Variants in ROBO1 observed in about 807,000 individuals in gnomAD.
ROBO1 encodes the protein roundabout guidance receptor 1, also known as roundabout homolog 1.
Under a neutral mutation model 195.9 loss-of-function variants are expected in ROBO1, and 149 were observed. That is an observed-to-expected ratio of 0.76 (90% CI 0.67 to 0.87). The LOEUF (loss-of-function observed/expected upper bound fraction) is 0.87. Among genes scored for constraint, ROBO1 ranks in the 40% least tolerant of loss-of-function variants. ROBO1 has a pLI of 0.00. For missense variants in ROBO1, 1,933 were observed against 2,068.3 expected, an observed-to-expected ratio of 0.93 and a Z score of 1.27; for synonymous variants, 816 against 733.2, an observed-to-expected ratio of 1.11 and a Z score of -1.82.
intron 2 of ROBO1, among the ~76,000 whole-genome samples, chr3:79,239,437 G>A (rs1559757091): frequency 6.6e-6 from 1 of 152,184 alleles, no homozygotes; most frequent in Non-Finnish European, 1.5e-5. Flanking sequence ...ATGACATGTT[G>A]AAGACTTAAT....
chr3:78,868,872 T>C (rs1158633290), intron 4 of ROBO1, among the ~76,000 whole-genome samples: 1 of 152,162 alleles, frequency 6.6e-6, no homozygotes, highest in Admixed American at 6.5e-5. Context: ...CCTTTAAATA[T>C]GTAACCTGTT....
chr3:79,636,515 C>T (rs752441002), intron 1 of ROBO1, among the ~76,000 whole-genome samples: 5 of 152,100 alleles, frequency 3.3e-5, no homozygotes, highest in Admixed American at 1.3e-4. Flanking sequence ...CAATGGCCAT[C>T]GTAACAGCCT....
intron 2 of ROBO1, among the ~76,000 whole-genome samples, chr3:79,444,317 A>G (rs900239647): frequency 6.6e-6 from 1 of 152,110 alleles, no homozygotes; most frequent in Non-Finnish European, 1.5e-5. Context: ...AATGGGCAAA[A>G]GTCATAAACA....
chr3:79,643,364 A>G (rs13100323), intron 1 of ROBO1, among the ~76,000 whole-genome samples: 1 of 152,036 alleles, frequency 6.6e-6, no homozygotes, highest in Non-Finnish European at 1.5e-5. Flanking sequence ...GTGAGACTTC[A>G]CCTTGTGATT....
rs80173151 is a variant in ROBO1, at chr3:79,533,788, T to C, written c.88+56036A>G. On this transcript the variant is annotated intron_variant, in intron 2 of 30. Coordinates refer to ENST00000464233, the MANE Select transcript of ROBO1 (RefSeq NM_002941.4). The stretch of plus-strand genomic sequence containing the variant: ...GGACTGTACTGTGTTTACTATCTTC[T>C]ATCCAAGCTTCAAATCAATGTGTAA... Among the ~76,000 whole-genome samples, 145 of 152,300 alleles carry C rather than the reference T, an allele frequency of 9.5e-4. 3 individuals carry two copies. In the East Asian group the frequency reaches 0.026, roughly 28 times the overall value.
chr3:79,035,679 C>T (rs1023117474), intron 3 of ROBO1, among the ~76,000 whole-genome samples: 4 of 150,996 alleles, frequency 2.6e-5, no homozygotes, highest in African/African-American at 9.7e-5. Flanking sequence ...TGCAGTGAGC[C>T]AAGACTGTGC....
In ROBO1 at chr3:78,661,014, G is replaced by A. The variant is rs762579181; in HGVS notation, c.2320+16C>T. 8.4e-6 allele frequency: 13 copies of A among 1,552,874 alleles called. No individual in the cohort carries two copies. Among genetic ancestry groups the A allele is most frequent in the Middle Eastern group, 3.4e-4 (2 of 5,928 alleles). On this transcript the variant is annotated intron_variant, in intron 16 of 30. Transcript: ENST00000464233. ...ATACTGCAATGCATGGAAATCAAAC[G>A]CTTCATCATACTTGCCTTCTTCCAG...
chr3:79,325,567 G>A (rs1469033164), intron 2 of ROBO1, among the ~76,000 whole-genome samples: 2 of 152,210 alleles, frequency 1.3e-5, no homozygotes, highest in Non-Finnish European at 2.9e-5. Flanking sequence ...CTGAAGCCAT[G>A]GCAGAAGAAC....
chr3:79,345,879 T>C (rs1453295835), intron 2 of ROBO1, among the ~76,000 whole-genome samples: 1 of 152,180 alleles, frequency 6.6e-6, no homozygotes, highest in African/African-American at 2.4e-5. Context: ...TATTTAAAAA[T>C]ATCTTTTCAG....
chr3:79,491,983 T>C (rs773403819), intron 2 of ROBO1, among the ~76,000 whole-genome samples: 11 of 152,032 alleles, frequency 7.2e-5, no homozygotes, highest in Non-Finnish European at 1.2e-4. Flanking sequence ...AATTCTAGCA[T>C]AAACATTCCG....
intron 1 of ROBO1, among the ~76,000 whole-genome samples, chr3:79,760,193 C>G (rs11714508): frequency 1.5e-5 from 2 of 133,892 alleles, no homozygotes; most frequent in Non-Finnish European, 3.1e-5. Context: ...GCCGAGATCG[C>G]GCCACTGCAC....
chr3:78,647,477 C>T (rs748678076), intron 20 of ROBO1, among the ~76,000 whole-genome samples, 152 bp downstream of exon 20: 2 of 151,994 alleles, frequency 1.3e-5, no homozygotes, highest in Non-Finnish European at 2.9e-5. Context: ...CTACCTTAAA[C>T]ACATGCCTGG....
intron 3 of ROBO1, among the ~76,000 whole-genome samples, chr3:79,062,744 AC>A (rs1015536582): frequency 1.3e-5 from 2 of 152,116 alleles, no homozygotes; most frequent in Admixed American, 1.3e-4. Context: ...AGAAAACAAA[AC>A]ACCACATGTT....
intron 2 of ROBO1, among the ~76,000 whole-genome samples, chr3:79,565,471 A>T (rs1006835278): frequency 1.3e-5 from 2 of 152,080 alleles, no homozygotes; most frequent in Non-Finnish European, 2.9e-5. Flanking sequence ...TGGTGATCCT[A>T]AAAAATGAAA....
At chr3:79,500,254 G>A (rs957858853) in intron 2 of ROBO1, among the ~76,000 whole-genome samples, 2 of 148,048 alleles carry the variant, frequency 1.4e-5, no homozygotes, top group African/African-American at 5.0e-5. Context: ...CTCAGTCTCC[G>A]GAATAGCTGG....
At chr3:79,440,370 A>G (rs537373161) in intron 2 of ROBO1, among the ~76,000 whole-genome samples, 1 of 152,226 alleles carries the variant, frequency 6.6e-6, no homozygotes, top group South Asian at 2.1e-4. Context: ...ACTTTCCTAA[A>G]TACATCATGA....
At chr3:78,616,654 T>C (rs1381074444) in intron 27 of ROBO1, among the ~76,000 whole-genome samples, 1 of 152,150 alleles carries the variant, frequency 6.6e-6, no homozygotes, top group Non-Finnish European at 1.5e-5. Context: ...TACCAGTAAC[T>C]GACTTGTTGT....
intron 4 of ROBO1, among the ~76,000 whole-genome samples, chr3:78,877,998 C>G (rs2035952972): frequency 6.6e-6 from 1 of 152,154 alleles, no homozygotes; most frequent in Non-Finnish European, 1.5e-5. Context: ...CCTCTTGAAC[C>G]TGCTGGATGA....
At chr3:79,610,705 A>G (rs1944631090) in intron 1 of ROBO1, among the ~76,000 whole-genome samples, 2 of 152,030 alleles carry the variant, frequency 1.3e-5, no homozygotes, top group African/African-American at 2.4e-5. Context: ...TTGCTAGTTA[A>G]TACACTTTTG....
Sources: allele counts gnomAD v4.1 joint callset (sites outside exome capture counted in the v4.1 genomes callset), GRCh38; gene constraint gnomAD v4.1.1; transcripts MANE v1.5; gene names NCBI Gene and HGNC (gene_info 2026-07-23, HGNC 2026-07-21).